Variants in STAT5B observed in about 807,000 individuals in gnomAD.
STAT5B encodes transcription factor STAT5B.
A neutral mutation model predicts 107.8 loss-of-function variants in STAT5B; 21 were observed. The ratio of observed to expected loss-of-function variants is 0.19; its 90% CI spans 0.14 to 0.28. The LOEUF (loss-of-function observed/expected upper bound fraction) is 0.28, where lower values mean the gene tolerates loss of function less well. Ranked by LOEUF, STAT5B falls within the 10% of genes least tolerant of loss-of-function variation. The probability of loss-of-function intolerance (pLI) is 1.00; values close to 1 mark genes in which losing one functional copy is unlikely to be tolerated. For missense variants in STAT5B, 565 were observed against 1,008.2 expected (o/e 0.56, Z 5.95); for synonymous variants, 325 against 401.7 (o/e 0.81, Z 2.28).
chr17:42,253,259 C>G (rs527259353), intron 1 of STAT5B, among the ~76,000 whole-genome samples: 21 of 152,288 alleles, frequency 1.4e-4, no homozygotes, highest in African/African-American at 4.8e-4. Flanking sequence ...TTCCATGTAG[C>G]AAAGTAAATT....
At chr17:42,274,735 A>G (rs2080750983) in intron 1 of STAT5B, among the ~76,000 whole-genome samples, 1 of 152,252 alleles carries the variant, frequency 6.6e-6, no homozygotes, top group African/African-American at 2.4e-5. Context: ...CAATGAACAT[A>G]ACGCAATATA....
rs1052456172 is a variant in STAT5B, at chr17:42,202,971, C to G, written c.2078-163G>C. The G allele has an allele frequency of 3.8e-5, 34 of 896,166 alleles. No individual in the cohort carries two copies. The African/African-American group carries it at 4.9e-4, about 13-fold the overall frequency. The allele number at this position is 896,166 out of a possible 1,614,324, so 55.5% of individuals were successfully genotyped here. ...TTTTTGTTTTGTTTTTTGAAACAGT[C>G]TCACTCTCTCATCCAGGCTGGAGTA... On this transcript the variant is annotated intron_variant, in intron 16 of 18. Coordinates refer to ENST00000293328, the MANE Select transcript of STAT5B (RefSeq NM_012448.4).
At chr17:42,234,363 A>C (rs1326464013) in intron 1 of STAT5B, 1 of 152,210 alleles carries the variant, frequency 6.6e-6, no homozygotes, top group Non-Finnish European at 1.5e-5. Flanking sequence ...TGTAGACCCA[A>C]TTTGACCCAA....
chr17:42,214,136 C>G (rs1396737470), intron 12 of STAT5B: 1 of 870,534 alleles, frequency 1.1e-6, no homozygotes, highest in Non-Finnish European at 1.4e-6. Context: ...GAGCAAGACT[C>G]TGTCTCAAAA....
intron 1 of STAT5B, chr17:42,269,581 T>C (rs2080704805): frequency 6.6e-6 from 1 of 152,146 alleles, no homozygotes; most frequent in Non-Finnish European, 1.5e-5. Flanking sequence ...TCCACTGACA[T>C]TGTAACTTCT....
intron 1 of STAT5B, chr17:42,275,254 CTATT>C (rs1364715275): frequency 6.6e-6 from 1 of 152,186 alleles, no homozygotes; most frequent in Non-Finnish European, 1.5e-5. Context: ...ACTTTTGGCA[CTATT>C]TATTTGATAC....
intron 1 of STAT5B, among the ~76,000 whole-genome samples, chr17:42,266,868 T>A (rs149249664): frequency 2.8e-3 from 421 of 152,310 alleles, no homozygotes; most frequent in African/African-American, 9.4e-3. Context: ...AATCTCTTCA[T>A]ACATTACAAT....
At chr17:42,202,931 C>T in intron 16 of STAT5B, 123 bp from the exon 17 acceptor site, 2 of 1,269,790 alleles carry the variant, frequency 1.6e-6, no homozygotes, top group Middle Eastern at 1.9e-4. Context: ...GGATATGACA[C>T]AAGCACTTAA....
rs1016803398 is a variant in STAT5B, at chr17:42,201,641, A to G, written c.*97T>C. On this transcript the variant is annotated 3_prime_UTR_variant, in exon 19 of 19. Coordinates refer to ENST00000293328, the MANE Select transcript of STAT5B (RefSeq NM_012448.4). Reference sequence around the variant, plus strand: ...AGTATTAACACTTCACATTATGAGTATTGTTTCAAAAGAGAAGCGATTCAT... The same window carrying G: ...AGTATTAACACTTCACATTATGAGTGTTGTTTCAAAAGAGAAGCGATTCAT... 5.6e-6 allele frequency: 5 copies of G among 890,132 alleles called. No homozygotes were observed. Among genetic ancestry groups the G allele is most frequent in the African/African-American group, 1.6e-5 (1 of 60,744 alleles). The allele number at this position is 890,132 out of a possible 1,614,324, so 55.1% of individuals were successfully genotyped here. A position where few individuals can be genotyped will look rare whatever the true frequency, so the allele number is the denominator to read the frequency against.
chr17:42,280,057 C>A (rs946550558), upstream of STAT5B, among the ~76,000 whole-genome samples: 1 of 151,934 alleles, frequency 6.6e-6, no homozygotes, highest in Non-Finnish European at 1.5e-5. Flanking sequence ...TTCTAGGCCT[C>A]GGGGACATAT....
At chr17:42,269,934 G>T (rs2080708070) in intron 1 of STAT5B, 1 of 152,238 alleles carries the variant, frequency 6.6e-6, no homozygotes, top group African/African-American at 2.4e-5. Context: ...AATAGGCTGG[G>T]CATGGTGGCT....
intron 15 of STAT5B, 75 bp from the exon 16 acceptor site, chr17:42,207,803 A>G: frequency 4.6e-6 from 7 of 1,513,998 alleles, no homozygotes; most frequent in Non-Finnish European, 6.4e-6. Flanking sequence ...CCAACATACT[A>G]TAAATTCAAG....
chr17:42,282,956 G>A, the STAT5B span, among the ~76,000 whole-genome samples: 14 of 152,172 alleles, frequency 9.2e-5, no homozygotes, highest in African/African-American at 2.9e-4. Flanking sequence ...TTGAGGCTTG[G>A]AGCAAGGAAG....
intron 2 of STAT5B, among the ~76,000 whole-genome samples, chr17:42,230,514 C>T (rs2080309005): frequency 6.6e-6 from 1 of 152,174 alleles, no homozygotes; most frequent in South Asian, 2.1e-4. Context: ...GTCGACTGCA[C>T]TGTACTAATT....
intron 1 of STAT5B, among the ~76,000 whole-genome samples, chr17:42,238,083 TA>T (rs1177208527): frequency 6.7e-6 from 1 of 149,542 alleles, no homozygotes; most frequent in East Asian, 2.0e-4. Flanking sequence ...TATCCTCCAG[TA>T]TAAACTTTTC....
intron 1 of STAT5B, among the ~76,000 whole-genome samples, chr17:42,240,521 A>T (rs982839172): frequency 3.9e-5 from 6 of 152,174 alleles, no homozygotes; most frequent in African/African-American, 1.4e-4. Context: ...GCTAAAAGGT[A>T]AGGGCTTTTT....
At chr17:42,255,555 G>A (rs2080535692) in intron 1 of STAT5B, among the ~76,000 whole-genome samples, 2 of 152,214 alleles carry the variant, frequency 1.3e-5, no homozygotes, top group Admixed American at 1.3e-4. Context: ...TAAACACAAA[G>A]GGGCAGATAG....
At position 42,232,041 on chromosome 17, in the gene STAT5B, C is replaced by T; in HGVS notation, c.87G>A (p.Glu29=). Residue 29 remains glutamate, a synonymous_variant, in exon 2 of 19, where the codon GAG becomes GAA. Coordinates refer to ENST00000293328, the MANE Select transcript of STAT5B (RefSeq NM_012448.4). ...TCCACTGGGATAAATAATGCCGCAC[C>T]TCAATGGGAAAATGCTGGCCATATA... ...QALYGQHFPI[E]VRHYLSQWIE... 1 of 1,613,932 alleles carries T rather than the reference C, an allele frequency of 6.2e-7. No individual in the cohort carries two copies. Among genetic ancestry groups the T allele is most frequent in the Non-Finnish European group, 8.5e-7 (1 of 1,179,958 alleles).
chr17:42,245,073 ATT>A (rs745914040), intron 1 of STAT5B, among the ~76,000 whole-genome samples: 12 of 105,462 alleles, frequency 1.1e-4, no homozygotes, highest in Admixed American at 1.9e-4. Context: ...TGCCTGGCTA[ATT>A]TTTTTTTTTT....
Sources: allele counts gnomAD v4.1 joint callset (sites outside exome capture counted in the v4.1 genomes callset), GRCh38; gene constraint gnomAD v4.1.1; transcripts MANE v1.5; gene names NCBI Gene and HGNC (gene_info 2026-07-23, HGNC 2026-07-21).